Variants in INTS8 observed in about 807,000 individuals in gnomAD.
INTS8 encodes protein kaonashi-1.
A neutral mutation model predicts 138.9 loss-of-function variants in INTS8; 47 were observed. The ratio of observed to expected loss-of-function variants is 0.34; its 90% CI spans 0.27 to 0.43. The LOEUF (loss-of-function observed/expected upper bound fraction) is 0.43, where lower values mean the gene tolerates loss of function less well. Among genes scored for constraint, INTS8 ranks in the 20% least tolerant of loss-of-function variants. INTS8 has a pLI of 1.00. For synonymous variants in INTS8, 392 were observed against 400.9 expected, an observed-to-expected ratio of 0.98 and a Z score of 0.27; for missense variants, 996 against 1,173.0, an observed-to-expected ratio of 0.85 and a Z score of 2.20.
intron 22 of INTS8, chr8:94,873,740 C>T (rs922619193): frequency 6.6e-6 from 2 of 303,162 alleles, no homozygotes; most frequent in Non-Finnish European, 1.2e-5. Flanking sequence ...ACTCCTAATA[C>T]ACTCCTAATA....
chr8:94,832,801 C>T (rs1814774156), intron 6 of INTS8, among the ~76,000 whole-genome samples: 1 of 152,002 alleles, frequency 6.6e-6, no homozygotes, highest in South Asian at 2.1e-4. Flanking sequence ...ACTACAGGCG[C>T]CTGCCACCAC....
At chr8:94,867,710 C>T (rs1229462448) in intron 20 of INTS8, 1 of 165,116 alleles carries the variant, frequency 6.1e-6, no homozygotes, top group Non-Finnish European at 1.3e-5. Context: ...TTTTAGTAGA[C>T]ACATGGTTTT....
In INTS8 at chr8:94,880,512, T is replaced by G; in HGVS notation, c.*278T>G. 4 of 296,282 alleles carry G rather than the reference T, an allele frequency of 1.4e-5. No individual in the cohort carries two copies. The highest frequency in any genetic ancestry group is 1.8e-5 in the Non-Finnish European group (3 of 164,020). 18.4% of individuals were successfully genotyped at this position (296,282 alleles called of 1,614,324 possible). ...TAATCTACTTTATGAGGCTGGATTT[T>G]TTTTTTAGAAAAGCTAATTTAAAAT... is the stretch of plus-strand genomic sequence containing the variant. On this transcript the variant is annotated 3_prime_UTR_variant, in exon 27 of 27. Coordinates refer to ENST00000523731, the MANE Select transcript of INTS8 (RefSeq NM_017864.4).
At chr8:94,855,094 G>T (rs1815696957) in intron 14 of INTS8, among the ~76,000 whole-genome samples, 1 of 152,086 alleles carries the variant, frequency 6.6e-6, no homozygotes, top group Non-Finnish European at 1.5e-5. Flanking sequence ...AGACCTAATG[G>T]ATCAGAAATT....
At chr8:94,877,505 C>T (rs1168640377) in intron 26 of INTS8, among the ~76,000 whole-genome samples, 2 of 152,138 alleles carry the variant, frequency 1.3e-5, no homozygotes, top group Non-Finnish European at 2.9e-5. Context: ...ATTTTCCTAG[C>T]TCCTTTTTGC....
intron 16 of INTS8, 96 bp downstream of exon 16, chr8:94,859,728 A>C: frequency 1.0e-6 from 1 of 961,926 alleles, no homozygotes; most frequent in Admixed American, 2.4e-5. Context: ...AATTTCTGTG[A>C]TACAAATGAT....
chr8:94,870,602 A>G (rs1468515270), intron 20 of INTS8, among the ~76,000 whole-genome samples: 1 of 152,232 alleles, frequency 6.6e-6, no homozygotes, highest in African/African-American at 2.4e-5. Flanking sequence ...TTACACTTGT[A>G]ACATTTTGTA....
At chr8:94,871,739 C>T in intron 20 of INTS8, 145 bp from the exon 21 acceptor site, 2 of 586,140 alleles carry the variant, frequency 3.4e-6, no homozygotes, top group Admixed American at 3.5e-5. Flanking sequence ...GTTGATAGTT[C>T]TTATAATACA....
chr8:94,865,829 T>C (rs1816159330), intron 17 of INTS8, 139 bp downstream of exon 17: 2 of 762,440 alleles, frequency 2.6e-6, no homozygotes, highest in African/African-American at 1.8e-5. Flanking sequence ...TCTTACGAGT[T>C]CTGTAGTACT....
chr8:94,830,504 T>G (rs534579434), intron 5 of INTS8, among the ~76,000 whole-genome samples: 1 of 152,146 alleles, frequency 6.6e-6, no homozygotes, highest in Non-Finnish European at 1.5e-5. Context: ...ACAGTGCAAA[T>G]TTTTTCTTTT....
In INTS8 at chr8:94,867,317, T is replaced by G. The variant is rs759429559; in HGVS notation, c.2394T>G (p.Ile798Met). ...VNDITAEHISIWPSSIPNLQS... is the reference protein window; with the variant it reads ...VNDITAEHISMWPSSIPNLQS... ...ATATTACAGCTGAACACATTTCTAT[T>G]TGGCCATCTTCCATTCCCAAGTAAG... Residue 798 changes from isoleucine (I) to methionine (M), a missense_variant, in exon 20 of 27, where the codon ATT becomes ATG. Physicochemically the swap from Ile to Met is conservative, Grantham distance 10. Transcript: ENST00000523731. 1 of 1,612,172 alleles carries G rather than the reference T, an allele frequency of 6.2e-7. No individual in the cohort carries two copies. Among genetic ancestry groups the G allele is most frequent in the South Asian group, 1.1e-5 (1 of 90,586 alleles).
At chr8:94,834,731 CAT>C (rs777274435) in intron 6 of INTS8, among the ~76,000 whole-genome samples, 3 of 148,352 alleles carry the variant, frequency 2.0e-5, no homozygotes, top group African/African-American at 7.4e-5. Flanking sequence ...GTCAGCCAAA[CAT>C]GTAGTGTGGA....
At chr8:94,861,345 T>C (rs1446940077) in intron 16 of INTS8, among the ~76,000 whole-genome samples, 2 of 133,176 alleles carry the variant, frequency 1.5e-5, no homozygotes, top group Non-Finnish European at 3.1e-5. Context: ...CACTGCCAGC[T>C]CCGCCTCCCG....
In INTS8 at chr8:94,841,598, A is replaced by G. The variant is rs1815135646; in HGVS notation, c.1118+7A>G. On this transcript the variant is annotated splice_region_variant and intron_variant, in intron 9 of 26. Coordinates refer to ENST00000523731, the MANE Select transcript of INTS8 (RefSeq NM_017864.4). ...TTAAGAAAGCTCAACAGGGGTAAGT[A>G]AGTTGAAAAATTACTTCTTGATTTT... The G allele has an allele frequency of 6.9e-7, 1 of 1,442,862 alleles. No individual in the cohort carries two copies. The highest frequency in any genetic ancestry group is 9.6e-7 in the Non-Finnish European group (1 of 1,042,562). 89.4% of individuals were successfully genotyped at this position (1,442,862 alleles called of 1,614,324 possible).
At chr8:94,841,155 C>A (rs1815120417) in intron 8 of INTS8, among the ~76,000 whole-genome samples, 1 of 152,082 alleles carries the variant, frequency 6.6e-6, no homozygotes, top group East Asian at 1.9e-4. Context: ...TCATGATCCA[C>A]CTGCCTTGGC....
At chr8:94,839,931 CTGG>C (rs1815071416) in intron 8 of INTS8, among the ~76,000 whole-genome samples, 1 of 152,244 alleles carries the variant, frequency 6.6e-6, no homozygotes, top group Non-Finnish European at 1.5e-5. Flanking sequence ...AAAAACCTCT[CTGG>C]AGTGGTAAGA....
chr8:94,850,146 A>C, intron 12 of INTS8, 55 bp downstream of exon 12: 4 of 1,203,880 alleles, frequency 3.3e-6, no homozygotes, highest in Non-Finnish European at 4.7e-6. Context: ...CCTCTATTCA[A>C]ATTAACCTTG....
intron 15 of INTS8, among the ~76,000 whole-genome samples, chr8:94,857,918 G>T (rs1242157081): frequency 6.6e-6 from 1 of 152,212 alleles, no homozygotes; most frequent in East Asian, 1.9e-4. Flanking sequence ...GTGTTTGAAA[G>T]AATCAAAATG....
At chr8:94,836,478 G>A in intron 6 of INTS8, 46 bp from the exon 7 acceptor site, 1 of 1,451,064 alleles carries the variant, frequency 6.9e-7, no homozygotes, top group Non-Finnish European at 9.6e-7. Context: ...CACCTCTTAA[G>A]TACCTGAGAA....
Sources: gnomAD v4.1 joint callset for allele counts (sites outside exome capture counted in the v4.1 genomes callset) on GRCh38, gnomAD v4.1.1 for gene constraint, MANE v1.5 for transcripts, NCBI Gene and HGNC (gene_info 2026-07-23, HGNC 2026-07-21) for gene names.